SLC25A37: variants seen among roughly 807,000 people sequenced by gnomAD.
SLC25A37 encodes the protein solute carrier family 25 member 37.
SLC25A37 carries 17 observed loss-of-function variants against 31.0 expected under a neutral mutation model. The ratio of observed to expected loss-of-function variants is 0.55; its 90% CI spans 0.38 to 0.82. SLC25A37 has a LOEUF of 0.82. Ranked by LOEUF, SLC25A37 falls within the 40% of genes least tolerant of loss-of-function variation. The probability of loss-of-function intolerance (pLI) is 0.00; values close to 1 mark genes in which losing one functional copy is unlikely to be tolerated. For missense variants in SLC25A37, 404 were observed against 465.8 expected, an observed-to-expected ratio of 0.87 and a Z score of 1.22; for synonymous variants, 222 against 193.0, an observed-to-expected ratio of 1.15 and a Z score of -1.24.
chr8:23,545,788 C>T (rs183847444), intron 1 of SLC25A37, among the ~76,000 whole-genome samples: 1 of 152,196 alleles, frequency 6.6e-6, no homozygotes, highest in Admixed American at 6.5e-5. Flanking sequence ...TGCTGGCGGA[C>T]AGCAGTTCGA....
chr8:23,537,245 C>T (rs1340894499), intron 1 of SLC25A37, among the ~76,000 whole-genome samples: 4 of 151,522 alleles, frequency 2.6e-5, no homozygotes, highest in African/African-American at 4.8e-5. Flanking sequence ...TCACATTTCC[C>T]TATTGCCCAT....
At chr8:23,534,927 C>T (rs1408170618) in intron 1 of SLC25A37, among the ~76,000 whole-genome samples, 2 of 152,210 alleles carry the variant, frequency 1.3e-5, no homozygotes, top group African/African-American at 4.8e-5. Context: ...GCACAGACTT[C>T]ACCTCCACAG....
intron 2 of SLC25A37, chr8:23,567,063 C>T (rs1802682984): frequency 6.5e-6 from 1 of 153,390 alleles, no homozygotes; most frequent in Non-Finnish European, 1.4e-5. Flanking sequence ...CTTTTATTTT[C>T]TCCTCTCCAG....
At chr8:23,552,879 C>CA (rs1285867684) in intron 1 of SLC25A37, among the ~76,000 whole-genome samples, 1 of 152,126 alleles carries the variant, frequency 6.6e-6, no homozygotes, top group Middle Eastern at 3.2e-3. Flanking sequence ...GAACTGAAAG[C>CA]AAAAGAAAGC....
intron 3 of SLC25A37, among the ~76,000 whole-genome samples, chr8:23,569,402 T>TACACACACACAC (rs10608830): frequency 0.076 from 11,357 of 150,150 alleles, 1,087 homozygotes; most frequent in African/African-American, 0.22. Flanking sequence ...TATGTGTGCA[T>TACACACACACAC]ACACACACAC....
intron 1 of SLC25A37, among the ~76,000 whole-genome samples, chr8:23,557,097 C>T (rs1338978919): frequency 2.6e-5 from 4 of 151,892 alleles, no homozygotes; most frequent in South Asian, 4.2e-4. Flanking sequence ...GTAATCTGCC[C>T]GCCTCGGCCT....
At chr8:23,536,109 C>T (rs958775403) in intron 1 of SLC25A37, among the ~76,000 whole-genome samples, 8 of 152,128 alleles carry the variant, frequency 5.3e-5, no homozygotes, top group Non-Finnish European at 1.2e-4. Flanking sequence ...TTTTTGTCCC[C>T]TCACTCTTGA....
At chr8:23,547,560 A>C (rs983940548) in intron 1 of SLC25A37, among the ~76,000 whole-genome samples, 1 of 152,212 alleles carries the variant, frequency 6.6e-6, no homozygotes. Flanking sequence ...TTCACAGGGC[A>C]GTGTAACTTT....
chr8:23,571,927 C>A lies in SLC25A37; in HGVS notation c.*72C>A. The A allele has an allele frequency of 2.7e-6, 4 of 1,495,250 alleles. No homozygotes were observed. The highest frequency in any genetic ancestry group is 1.3e-5 in the South Asian group (1 of 77,050). 92.6% of individuals were successfully genotyped at this position (1,495,250 alleles called of 1,614,324 possible). On this transcript the variant is annotated 3_prime_UTR_variant, in exon 4 of 4. Transcript: ENST00000519973. ...TCCAGCCCCTTGCCCTCTCCTCACA[C>A]GTAGATCATTTTTTTTTTGCAGGGT...
rs377391909 is a variant in SLC25A37, at chr8:23,554,867, T to C, written c.211-11241T>C. The stretch of plus-strand genomic sequence containing the variant: ...CGGCCTGTTGCTTTCTCTCAGATAC[T>C]GGAGAGCCCATCTGTCTTGCTTACT... On this transcript the variant is annotated intron_variant, in intron 1 of 3. Coordinates refer to ENST00000519973, the MANE Select transcript of SLC25A37 (RefSeq NM_016612.4). Among the ~76,000 whole-genome samples the C allele has an allele frequency of 2.8e-4, 43 of 152,328 alleles. 1 individual carries two copies. In the South Asian group the frequency reaches 2.9e-3, roughly 10 times the overall value.
chr8:23,546,901 T>C (rs1290783561), intron 1 of SLC25A37, among the ~76,000 whole-genome samples: 1 of 152,014 alleles, frequency 6.6e-6, no homozygotes, highest in East Asian at 1.9e-4. Context: ...GTGCAGTGCG[T>C]ATTAGTACAA....
At chr8:23,559,379 G>A (rs972597121) in intron 1 of SLC25A37, among the ~76,000 whole-genome samples, 1 of 152,138 alleles carries the variant, frequency 6.6e-6, no homozygotes, top group East Asian at 1.9e-4. Context: ...GCGCGTGTGT[G>A]TGTTTATTTT....
intron 1 of SLC25A37, among the ~76,000 whole-genome samples, chr8:23,556,120 G>C (rs1411889775): frequency 6.6e-6 from 1 of 152,018 alleles, no homozygotes; most frequent in Admixed American, 6.6e-5. Context: ...CATGTATTCT[G>C]ATAGGCATTT....
rs779737238 is a variant in SLC25A37 at position 23,529,000 on chromosome 8, C to A, written c.-3C>A. The A allele has an allele frequency of 6.7e-7, 1 of 1,499,106 alleles. No individual in the cohort carries two copies. Among genetic ancestry groups the A allele is most frequent in the South Asian group, 1.3e-5 (1 of 78,672 alleles). The allele number at this position is 1,499,106 out of a possible 1,614,324, so 92.9% of individuals were successfully genotyped here. ...AGCCTCCTGCGCCCCGCCGAGCTGGCGGATGGAGCTGCGCAGCGGGAGCGT... is the reference window on the plus strand; with the variant it reads ...AGCCTCCTGCGCCCCGCCGAGCTGGAGGATGGAGCTGCGCAGCGGGAGCGT... On this transcript the variant is annotated 5_prime_UTR_variant, in exon 1 of 4. Coordinates refer to ENST00000519973, the MANE Select transcript of SLC25A37 (RefSeq NM_016612.4).
chr8:23,550,470 A>G (rs974459349), intron 1 of SLC25A37, among the ~76,000 whole-genome samples: 1 of 152,204 alleles, frequency 6.6e-6, no homozygotes, highest in African/African-American at 2.4e-5. Context: ...TCTTCTGTGG[A>G]TAATAGGCTA....
At chr8:23,542,409 A>C in intron 1 of SLC25A37, among the ~76,000 whole-genome samples, 2 of 112,496 alleles carry the variant, frequency 1.8e-5, no homozygotes, top group Admixed American at 1.1e-4. Context: ...ATGGAGTTTC[A>C]CTCTTGTCCT....
At chr8:23,530,436 C>T (rs150657499) in intron 1 of SLC25A37, among the ~76,000 whole-genome samples, 40 of 152,356 alleles carry the variant, frequency 2.6e-4, no homozygotes, top group Non-Finnish European at 4.7e-4. Context: ...GTTTTCCCGG[C>T]TCCGGGGAGC....
intron 1 of SLC25A37, among the ~76,000 whole-genome samples, chr8:23,535,453 A>G (rs926544010): frequency 6.6e-6 from 1 of 152,110 alleles, no homozygotes; most frequent in African/African-American, 2.4e-5. Flanking sequence ...TACCCCCACT[A>G]TAAGGGAACA....
intron 1 of SLC25A37, among the ~76,000 whole-genome samples, chr8:23,550,181 CAAAAA>C (rs67552053): frequency 1.5e-5 from 1 of 68,764 alleles, no homozygotes; most frequent in Non-Finnish European, 2.5e-5. Flanking sequence ...AATTCCGTTT[CAAAAA>C]AAAAAAAAAA....
Sources: gnomAD v4.1 joint callset for allele counts (sites outside exome capture counted in the v4.1 genomes callset) on GRCh38, gnomAD v4.1.1 for gene constraint, MANE v1.5 for transcripts, NCBI Gene and HGNC (gene_info 2026-07-23, HGNC 2026-07-21) for gene names.